Variants in NSG2 observed in about 807,000 individuals in gnomAD.
NSG2 encodes the protein neuronal vesicle trafficking-associated protein 2.
A neutral mutation model predicts 16.9 loss-of-function variants in NSG2; 4 were observed. That is an observed-to-expected ratio of 0.24 (90% confidence interval 0.12 to 0.54). The LOEUF is 0.54. Ranked by LOEUF, NSG2 falls within the 20% of genes least tolerant of loss-of-function variation. The probability of loss-of-function intolerance (pLI) is 0.95; values close to 1 mark genes in which losing one functional copy is unlikely to be tolerated. For missense variants in NSG2, 179 were observed against 221.1 expected (o/e 0.81, Z 1.21); for synonymous variants, 98 against 88.7 (o/e 1.11, Z -0.59).
At chr5:174,060,129 C>G (rs1273779937) in intron 2 of NSG2, among the ~76,000 whole-genome samples, 1 of 152,134 alleles carries the variant, frequency 6.6e-6, no homozygotes, top group African/African-American at 2.4e-5. Context: ...GCTAGAGAAG[C>G]AACCTCAAAA....
intron 3 of NSG2, among the ~76,000 whole-genome samples, chr5:174,101,414 A>C (rs1267982137): frequency 6.6e-6 from 1 of 152,202 alleles, no homozygotes; most frequent in East Asian, 1.9e-4. Context: ...TGTTTTCATC[A>C]CACCAAAAGG....
chr5:174,049,155 C>G lies in NSG2; in HGVS notation c.129+2271C>G, dbSNP rs541041970. Among the ~76,000 whole-genome samples the G allele has an allele frequency of 1.0e-3, 156 of 152,050 alleles. No individual in the cohort carries two copies. The South Asian group carries it at 0.015, about 14-fold the overall frequency. On this transcript the variant is annotated intron_variant, in intron 2 of 4. Transcript: ENST00000303177. ...GAGATCGAGACCATCCTGGCGAACA[C>G]GGTGAAACCGCGTCTCTACTAAAAA...
intron 3 of NSG2, among the ~76,000 whole-genome samples, chr5:174,078,945 G>A (rs900662253): frequency 8.6e-5 from 13 of 151,774 alleles, no homozygotes; most frequent in Non-Finnish European, 1.8e-4. Flanking sequence ...TAAGACACAC[G>A]CACACACACA....
At chr5:174,100,668 G>T (rs535388579) in intron 3 of NSG2, among the ~76,000 whole-genome samples, 1 of 152,122 alleles carries the variant, frequency 6.6e-6, no homozygotes, top group African/African-American at 2.4e-5. Flanking sequence ...CTCTGTGCTC[G>T]TGCTCTCTAG....
chr5:174,061,355 G>A (rs1420080204), intron 2 of NSG2, among the ~76,000 whole-genome samples: 1 of 152,158 alleles, frequency 6.6e-6, no homozygotes. Flanking sequence ...CAAAGCACCT[G>A]CATGTATGTT....
chr5:174,066,119 G>A, intron 3 of NSG2: 1 of 451,274 alleles, frequency 2.2e-6, no homozygotes, highest in Middle Eastern at 3.3e-4. Flanking sequence ...CCCTCTGTGT[G>A]CATTCCCTGG....
At chr5:174,048,475 C>T (rs1391072181) in intron 2 of NSG2, among the ~76,000 whole-genome samples, 1 of 152,148 alleles carries the variant, frequency 6.6e-6, no homozygotes, top group African/African-American at 2.4e-5. Flanking sequence ...GTTATCCAAG[C>T]TCACAGAAGG....
At chr5:174,094,042 C>G (rs1367678252) in intron 3 of NSG2, among the ~76,000 whole-genome samples, 1 of 152,192 alleles carries the variant, frequency 6.6e-6, no homozygotes, top group Non-Finnish European at 1.5e-5. Flanking sequence ...CTTCGTTGCA[C>G]TATTACAAGC....
chr5:174,071,307 T>C lies in NSG2; in HGVS notation c.213+6992T>C, dbSNP rs60519125. Reference sequence around the variant, plus strand: ...ACGGAGACCATCCTGGCCAACATGGTGAAACACCGTCTCTACTAAAATACA... The same window carrying C: ...ACGGAGACCATCCTGGCCAACATGGCGAAACACCGTCTCTACTAAAATACA... On this transcript the variant is annotated intron_variant, in intron 3 of 4. Transcript: ENST00000303177. Among the ~76,000 whole-genome samples the C allele has an allele frequency of 6.5e-3, 988 of 152,240 alleles. 14 individuals carry two copies. The highest frequency in any genetic ancestry group is 0.022 in the African/African-American group (900 of 41,560).
chr5:174,065,630 A>C (rs1037367743), intron 3 of NSG2, among the ~76,000 whole-genome samples: 1 of 152,164 alleles, frequency 6.6e-6, no homozygotes, highest in Non-Finnish European at 1.5e-5. Context: ...AAGTGAAAAA[A>C]CACACAAAAA....
intron 3 of NSG2, among the ~76,000 whole-genome samples, chr5:174,090,925 C>T (rs1023211182): frequency 6.6e-6 from 1 of 152,158 alleles, no homozygotes; most frequent in African/African-American, 2.4e-5. Context: ...CAGGGGAACC[C>T]CCACTGGAAT....
chr5:174,058,859 A>C (rs1210624879), intron 2 of NSG2, among the ~76,000 whole-genome samples: 1 of 152,220 alleles, frequency 6.6e-6, no homozygotes, highest in Non-Finnish European at 1.5e-5. Flanking sequence ...TTTGGAGAAA[A>C]TGTGGCTTAG....
intron 2 of NSG2, among the ~76,000 whole-genome samples, chr5:174,063,774 C>T (rs765411715): frequency 2.0e-5 from 3 of 152,078 alleles, no homozygotes; most frequent in Non-Finnish European, 4.4e-5. Flanking sequence ...GCAACCTAAA[C>T]GTGTAACAAT....
intron 3 of NSG2, among the ~76,000 whole-genome samples, chr5:174,103,543 G>A (rs886665558): frequency 3.9e-5 from 6 of 152,112 alleles, no homozygotes; most frequent in South Asian, 2.1e-4. Context: ...GCTGGGGCGC[G>A]GTGGGGATGT....
chr5:174,087,743 G>A (rs940143244), intron 3 of NSG2, among the ~76,000 whole-genome samples: 11 of 151,526 alleles, frequency 7.3e-5, no homozygotes, highest in Non-Finnish European at 1.2e-4. Flanking sequence ...AGCCAAGATC[G>A]CACCACTGCA....
At chr5:174,063,517 CTTTCTATTTTATTT>C (rs1406536815) in intron 2 of NSG2, among the ~76,000 whole-genome samples, 1 of 146,480 alleles carries the variant, frequency 6.8e-6, no homozygotes, top group African/African-American at 2.5e-5. Context: ...TTCATCATAA[CTTTCTATTTTATTT>C]TATTTTATTT....
At chr5:174,083,780 C>T (rs951200046) in intron 3 of NSG2, among the ~76,000 whole-genome samples, 2 of 152,216 alleles carry the variant, frequency 1.3e-5, no homozygotes, top group African/African-American at 2.4e-5. Flanking sequence ...AACATTGATA[C>T]AGCATCTTCT....
chr5:174,061,661 T>C (rs944997806), intron 2 of NSG2, among the ~76,000 whole-genome samples: 1 of 152,188 alleles, frequency 6.6e-6, no homozygotes, highest in African/African-American at 2.4e-5. Context: ...TGGAGTGCAG[T>C]GGCACAATCT....
At chr5:174,048,641 G>A (rs1038326686) in intron 2 of NSG2, among the ~76,000 whole-genome samples, 2 of 152,120 alleles carry the variant, frequency 1.3e-5, no homozygotes, top group African/African-American at 4.8e-5. Context: ...ATTGTGGTGA[G>A]GTCATCTCTC....
Sources: allele counts gnomAD v4.1 joint callset (sites outside exome capture counted in the v4.1 genomes callset), GRCh38; gene constraint gnomAD v4.1.1; transcripts MANE v1.5; gene names NCBI Gene and HGNC (gene_info 2026-07-23, HGNC 2026-07-21).